The following PPP2R2C variants were observed in gnomAD, a reference collection of about 807,000 sequenced individuals.
PPP2R2C encodes protein phosphatase 2 regulatory subunit Bgamma.
A neutral mutation model predicts 45.3 loss-of-function variants in PPP2R2C; 10 were observed. The observed-to-expected ratio is 0.22, with a 90% CI of 0.14 to 0.37. PPP2R2C has a LOEUF of 0.37. Ranked by LOEUF, PPP2R2C falls within the 10% of genes least tolerant of loss-of-function variation. The probability of loss-of-function intolerance (pLI) is 1.00; values close to 1 mark genes in which losing one functional copy is unlikely to be tolerated. For synonymous variants in PPP2R2C, 257 were observed against 245.4 expected, an observed-to-expected ratio of 1.05 and a Z score of -0.44; for missense variants, 308 against 619.7, an observed-to-expected ratio of 0.50 and a Z score of 5.34.
chr4:6,530,684 T>G (rs920114130), intron 2 of PPP2R2C, among the ~76,000 whole-genome samples: 3 of 152,260 alleles, frequency 2.0e-5, no homozygotes, highest in East Asian at 1.9e-4. Context: ...CAGCCTCAGG[T>G]TCCTCTTCTG....
intron 1 of PPP2R2C, among the ~76,000 whole-genome samples, chr4:6,419,341 G>T (rs1161329062): frequency 6.6e-6 from 1 of 152,058 alleles, no homozygotes; most frequent in Non-Finnish European, 1.5e-5. Flanking sequence ...CAGGAGAATC[G>T]CTTGAACCCG....
At chr4:6,457,919 G>A (rs1721129778) in intron 1 of PPP2R2C, among the ~76,000 whole-genome samples, 1 of 152,184 alleles carries the variant, frequency 6.6e-6, no homozygotes, top group Admixed American at 6.5e-5. Context: ...TCAACACTGT[G>A]AAATATCTTC....
chr4:6,409,477 A>C (rs980625858), intron 1 of PPP2R2C, among the ~76,000 whole-genome samples: 1 of 152,154 alleles, frequency 6.6e-6, no homozygotes, highest in African/African-American at 2.4e-5. Flanking sequence ...CACGCCCCAA[A>C]TAACAGCTCA....
intron 1 of PPP2R2C, among the ~76,000 whole-genome samples, chr4:6,550,616 C>T (rs777002478): frequency 3.9e-5 from 6 of 152,314 alleles, no homozygotes; most frequent in Middle Eastern, 3.4e-3. Flanking sequence ...TACAATATTT[C>T]GCAGAGCATC....
chr4:6,561,793 A>G (rs1725586199), intron 1 of PPP2R2C, among the ~76,000 whole-genome samples: 1 of 152,226 alleles, frequency 6.6e-6, no homozygotes, highest in Non-Finnish European at 1.5e-5. Context: ...ACCCATTGCC[A>G]GCCGCAAGCA....
intron 6 of PPP2R2C, among the ~76,000 whole-genome samples, chr4:6,340,551 C>T (rs1194137410): frequency 6.6e-6 from 1 of 152,158 alleles, no homozygotes; most frequent in African/African-American, 2.4e-5. Context: ...CCATCCAATC[C>T]AGCAGCAAAT....
chr4:6,403,858 G>A (rs1451673114), intron 1 of PPP2R2C, among the ~76,000 whole-genome samples: 4 of 105,502 alleles, frequency 3.8e-5, no homozygotes, highest in Non-Finnish European at 5.7e-5. Flanking sequence ...GTGAAACTCC[G>A]CCTCAGAAAA....
intron 4 of PPP2R2C, among the ~76,000 whole-genome samples, chr4:6,373,795 CTG>C (rs990992699): frequency 3.9e-5 from 6 of 152,116 alleles, no homozygotes; most frequent in Admixed American, 6.5e-5. Context: ...GGCACCCAGC[CTG>C]TGTGTGTGGG....
chr4:6,377,142 T>C (rs932008960), intron 3 of PPP2R2C, among the ~76,000 whole-genome samples: 1 of 152,202 alleles, frequency 6.6e-6, no homozygotes, highest in African/African-American at 2.4e-5. Flanking sequence ...CCTAGCCATG[T>C]TCGGGAGAGC....
intron 5 of PPP2R2C, chr4:6,348,766 G>C (rs1712247103): frequency 4.5e-6 from 4 of 897,754 alleles, no homozygotes; most frequent in Non-Finnish European, 4.0e-6. Context: ...GGGGCAGACA[G>C]TGGAAAGAGT....
chr4:6,490,678 C>T lies in PPP2R2C; in HGVS notation c.49+44593G>A, dbSNP rs143712688. Among the ~76,000 whole-genome samples, 830 of 152,292 alleles carry T rather than the reference C, an allele frequency of 5.5e-3. 7 individuals are homozygous for T. Among genetic ancestry groups the T allele is most frequent in the African/African-American group, 0.019 (785 of 41,562 alleles). ...GTGGGGAGGAAGACCCATGCTGTCTCACCACTCCAGGGAGAGCGGACGCAT... is the reference window on the plus strand; with the variant it reads ...GTGGGGAGGAAGACCCATGCTGTCTTACCACTCCAGGGAGAGCGGACGCAT... On this transcript the variant is annotated intron_variant, in intron 2 of 9. Coordinates refer to the PPP2R2C transcript ENST00000506140.
At chr4:6,422,637 T>C (rs913606123) in intron 1 of PPP2R2C, among the ~76,000 whole-genome samples, 1 of 152,196 alleles carries the variant, frequency 6.6e-6, no homozygotes, top group African/African-American at 2.4e-5. Flanking sequence ...CTTCTCCCTG[T>C]GTCTTCACAC....
At chr4:6,462,633 G>A (rs1019869417) in intron 1 of PPP2R2C, among the ~76,000 whole-genome samples, 2 of 152,308 alleles carry the variant, frequency 1.3e-5, no homozygotes, top group South Asian at 2.1e-4. Context: ...CCAACCATAA[G>A]AGACATTTCT....
intron 2 of PPP2R2C, among the ~76,000 whole-genome samples, chr4:6,486,978 A>G (rs4689011): frequency 0.28 from 42,345 of 151,754 alleles, 6,546 homozygotes; most frequent in Middle Eastern, 0.35. Context: ...ATTCCATTCT[A>G]TCTACTTTCT....
In PPP2R2C at chr4:6,332,385, G is replaced by A. The variant is rs1026973295; in HGVS notation, c.960+1177C>T. Among the ~76,000 whole-genome samples, 3 of 152,136 alleles carry A rather than the reference G, an allele frequency of 2.0e-5. No homozygotes were observed. Among genetic ancestry groups the A allele is most frequent in the African/African-American group, 7.2e-5 (3 of 41,428 alleles). On this transcript the variant is annotated intron_variant, in intron 7 of 8. Transcript: ENST00000382599. The surrounding 1 kb of genome is among the most constrained non-coding windows in gnomAD (Gnocchi z 4.9). Reference sequence around the variant, plus strand: ...GGAGGGGGCCTGAGGGAGGAGCTGGGGCAGTCGCAAGAACTCAAGTAAACA... The same window carrying A: ...GGAGGGGGCCTGAGGGAGGAGCTGGAGCAGTCGCAAGAACTCAAGTAAACA...
At chr4:6,558,022 GCAGCCTCAGCACCCAT>G (rs1725465972) in intron 1 of PPP2R2C, among the ~76,000 whole-genome samples, 1 of 152,148 alleles carries the variant, frequency 6.6e-6, no homozygotes, top group Non-Finnish European at 1.5e-5. Flanking sequence ...GTGCTTCTGA[GCAGCCTCAGCACCCAT>G]CCTCTTAAAG....
chr4:6,436,300 C>A (rs530567691), intron 1 of PPP2R2C, among the ~76,000 whole-genome samples: 34 of 152,334 alleles, frequency 2.2e-4, no homozygotes, highest in African/African-American at 8.2e-4. Context: ...ATGAGAGGAA[C>A]TATAGGTCTT....
intron 2 of PPP2R2C, among the ~76,000 whole-genome samples, chr4:6,500,251 G>T (rs912950143): frequency 1.3e-5 from 2 of 152,144 alleles, no homozygotes; most frequent in African/African-American, 4.8e-5. Flanking sequence ...GAGTTCAAGC[G>T]ATTCTCTTGT....
intron 2 of PPP2R2C, among the ~76,000 whole-genome samples, chr4:6,484,909 C>G (rs1006555892): frequency 6.6e-6 from 1 of 151,798 alleles, no homozygotes; most frequent in African/African-American, 2.4e-5. Flanking sequence ...ATCTGAACAT[C>G]TTTTTTTCTC....
Sources: allele counts gnomAD v4.1 joint callset (sites outside exome capture counted in the v4.1 genomes callset), GRCh38; gene constraint gnomAD v4.1.1; non-coding constraint Gnocchi (gnomAD v3.1); transcripts MANE v1.5; gene names NCBI Gene and HGNC (gene_info 2026-07-23, HGNC 2026-07-21).